AGBL4: variants seen among roughly 807,000 people sequenced by gnomAD.
AGBL4 encodes AGBL carboxypeptidase 4.
A neutral mutation model predicts 66.4 loss-of-function variants in AGBL4; 58 were observed. The observed-to-expected ratio is 0.87, with a 90% CI of 0.71 to 1.09. The LOEUF (loss-of-function observed/expected upper bound fraction) is 1.09, where lower values mean the gene tolerates loss of function less well. Ranked by LOEUF, AGBL4 falls within the 50% of genes least tolerant of loss-of-function variation. The pLI is 0.00. For missense variants in AGBL4, 579 were observed against 631.0 expected, an observed-to-expected ratio of 0.92 and a Z score of 0.88; for synonymous variants, 234 against 222.9, an observed-to-expected ratio of 1.05 and a Z score of -0.44.
At chr1:49,312,158 T>C (rs944779875) in intron 3 of AGBL4, among the ~76,000 whole-genome samples, 2 of 152,012 alleles carry the variant, frequency 1.3e-5, no homozygotes. Context: ...TATTAAGAGG[T>C]GGCACCTTTA....
intron 3 of AGBL4, among the ~76,000 whole-genome samples, chr1:49,651,883 T>G (rs1241306656): frequency 2.0e-5 from 3 of 152,030 alleles, no homozygotes; most frequent in Admixed American, 2.0e-4. Flanking sequence ...TCTAAAATGA[T>G]GATTAAGAAT....
intron 3 of AGBL4, among the ~76,000 whole-genome samples, chr1:49,595,614 C>CT (rs940173807): frequency 1.1e-3 from 168 of 149,138 alleles, no homozygotes; most frequent in African/African-American, 3.8e-3. Flanking sequence ...CAGGATCCTT[C>CT]TTTTTTTTTA....
At chr1:49,266,458 A>G (rs565636164) in intron 3 of AGBL4, among the ~76,000 whole-genome samples, 3 of 152,084 alleles carry the variant, frequency 2.0e-5, no homozygotes, top group Non-Finnish European at 4.4e-5. Flanking sequence ...TTTGTTCTAA[A>G]TTTTAGCACT....
chr1:49,949,680 G>A (rs1655894168), intron 1 of AGBL4, among the ~76,000 whole-genome samples: 1 of 151,602 alleles, frequency 6.6e-6, no homozygotes, highest in Non-Finnish European at 1.5e-5. Flanking sequence ...TGCATGAATG[G>A]CCATAATCAA....
chr1:49,082,193 T>C (rs1644821031), intron 4 of AGBL4, among the ~76,000 whole-genome samples: 1 of 152,182 alleles, frequency 6.6e-6, no homozygotes, highest in South Asian at 2.1e-4. Flanking sequence ...AGATGTGATG[T>C]AGGAGAGAAG....
chr1:49,997,955 A>G (rs1344700915), intron 1 of AGBL4, among the ~76,000 whole-genome samples: 1 of 152,108 alleles, frequency 6.6e-6, no homozygotes, highest in Non-Finnish European at 1.5e-5. Context: ...CTCCTGAATG[A>G]TCATTGGGTC....
intron 5 of AGBL4, among the ~76,000 whole-genome samples, chr1:48,967,099 G>A (rs983646988): frequency 6.6e-6 from 1 of 151,730 alleles, no homozygotes; most frequent in Non-Finnish European, 1.5e-5. Flanking sequence ...CATTGGCAGA[G>A]TTTTCTAATA....
At chr1:49,725,344 C>G (rs903040857) in intron 2 of AGBL4, among the ~76,000 whole-genome samples, 1 of 152,180 alleles carries the variant, frequency 6.6e-6, no homozygotes, top group African/African-American at 2.4e-5. Flanking sequence ...TGTTTCAAAT[C>G]TATAAAATGA....
Position 49,192,035 on chromosome 1 carries a change from C to A in AGBL4, c.377+53735G>T, listed in dbSNP as rs1006663063. Among the ~76,000 whole-genome samples the A allele has an allele frequency of 3.5e-4, 53 of 152,206 alleles. 1 individual carries two copies. The highest frequency in any genetic ancestry group is 1.2e-3 in the African/African-American group (51 of 41,530). On this transcript the variant is annotated intron_variant, in intron 4 of 13. Transcript: ENST00000371839. The stretch of plus-strand genomic sequence containing the variant: ...TAAGTTCTTTGAGAAATCTCCAAAC[C>A]ACTTTGCACAATTGCTGTCCTAATT...
At chr1:49,777,717 T>C (rs980284913) in intron 2 of AGBL4, among the ~76,000 whole-genome samples, 12 of 152,188 alleles carry the variant, frequency 7.9e-5, no homozygotes, top group Non-Finnish European at 1.5e-4. Flanking sequence ...CATTACCCTA[T>C]AAAGCTTTGA....
intron 3 of AGBL4, among the ~76,000 whole-genome samples, chr1:49,257,720 G>A (rs1352100428): frequency 6.6e-6 from 1 of 152,202 alleles, no homozygotes; most frequent in Non-Finnish European, 1.5e-5. Flanking sequence ...GATGAACCCG[G>A]TACCTCAGAT....
intron 1 of AGBL4, among the ~76,000 whole-genome samples, chr1:49,926,367 C>G (rs149105568): frequency 6.6e-6 from 1 of 152,144 alleles, no homozygotes; most frequent in African/African-American, 2.4e-5. Context: ...TGACCGAAAA[C>G]TTAGATCACA....
intron 4 of AGBL4, among the ~76,000 whole-genome samples, chr1:49,063,813 C>T (rs1185304456): frequency 6.6e-6 from 1 of 152,150 alleles, no homozygotes; most frequent in Non-Finnish European, 1.5e-5. Flanking sequence ...CTGTTGCATG[C>T]GGAGGGAATA....
intron 5 of AGBL4, among the ~76,000 whole-genome samples, chr1:48,903,920 G>A (rs1557444300): frequency 1.3e-5 from 2 of 152,160 alleles, no homozygotes; most frequent in Non-Finnish European, 2.9e-5. Flanking sequence ...GTGACAGGAA[G>A]GTGAAGAAGA....
chr1:49,120,520 G>A (rs1234926613), intron 4 of AGBL4, among the ~76,000 whole-genome samples: 2 of 152,084 alleles, frequency 1.3e-5, no homozygotes, highest in African/African-American at 2.4e-5. Flanking sequence ...TTGAATATTG[G>A]CCCCCACTCT....
At chr1:48,779,091 G>A (rs116409204) in intron 6 of AGBL4, among the ~76,000 whole-genome samples, 160 of 152,280 alleles carry the variant, frequency 1.1e-3, no homozygotes, top group Non-Finnish European at 1.9e-3. Context: ...GGTGGTCAAG[G>A]GGAAGTAATG....
chr1:48,743,517 A>G (rs1166486709), intron 6 of AGBL4, among the ~76,000 whole-genome samples: 10 of 152,224 alleles, frequency 6.6e-5, no homozygotes, highest in Admixed American at 5.2e-4. Context: ...GAAAATGGGT[A>G]AATAAGGCCA....
chr1:48,964,416 A>G (rs1571113724), intron 5 of AGBL4, among the ~76,000 whole-genome samples: 2 of 152,348 alleles, frequency 1.3e-5, no homozygotes, highest in East Asian at 3.9e-4. Flanking sequence ...AACAGGCATA[A>G]TATTTACTAC....
chr1:49,877,948 G>C (rs923329795), intron 1 of AGBL4, among the ~76,000 whole-genome samples: 2 of 152,114 alleles, frequency 1.3e-5, no homozygotes, highest in African/African-American at 4.8e-5. Context: ...TATTTGTGTA[G>C]AGGTGTTTGT....
Sources: gnomAD v4.1 joint callset for allele counts (sites outside exome capture counted in the v4.1 genomes callset) on GRCh38, gnomAD v4.1.1 for gene constraint, MANE v1.5 for transcripts, NCBI Gene and HGNC (gene_info 2026-07-23, HGNC 2026-07-21) for gene names.